The following AATK variants were observed in gnomAD, a reference collection of about 807,000 sequenced individuals.
AATK encodes the protein lemur tail kinase 1.
Under a neutral mutation model 114.3 loss-of-function variants are expected in AATK, and 91 were observed. The observed-to-expected ratio is 0.80, with a 90% CI of 0.67 to 0.95. AATK has a LOEUF of 0.95. Among genes scored for constraint, AATK ranks in the 40% least tolerant of loss-of-function variants. The pLI is 0.00. For synonymous variants in AATK, 1,075 were observed against 916.5 expected (o/e 1.17, Z -3.12); for missense variants, 2,176 against 1,965.2 (o/e 1.11, Z -2.03).
chr17:81,132,090 A>G, intron 2 of AATK: 3 of 1,193,998 alleles, frequency 2.5e-6, no homozygotes, highest in Non-Finnish European at 3.3e-6. Context: ...AGTCCAGGGC[A>G]CATTCCTGCG....
chr17:81,156,396 T>TTTTTG (rs758854727), intron 1 of AATK, among the ~76,000 whole-genome samples: 83 of 152,290 alleles, frequency 5.5e-4, no homozygotes, highest in Admixed American at 1.0e-3. Flanking sequence ...AAATAAATGT[T>TTTTTG]TTTTGTTTTG....
chr17:81,162,335 T>C (rs2061437050), intron 1 of AATK, among the ~76,000 whole-genome samples: 2 of 152,008 alleles, frequency 1.3e-5, no homozygotes, highest in Non-Finnish European at 2.9e-5. Context: ...CAGCTTCCTC[T>C]GGGGCATCCT....
In AATK at chr17:81,123,257, G is replaced by A. The variant is rs541755447; in HGVS notation, c.1049C>T (p.Thr350Met). ...CAGCTTGAGCTGCTGCTCCCGGACC[G>A]TGTACGCCAGCACCTGCTGGTCCGA... is the stretch of plus-strand genomic sequence containing the variant. ...QHSDQQVLAY[T>M]VREQQLKLPK... Residue 350 changes from threonine (T) to methionine (M), a missense_variant, in exon 10 of 14, where the codon ACG (threonine) becomes ATG (methionine). Around this residue, in one of 4 missense-constraint regions of AATK, gnomAD observed 273 missense variants for 344.1 expected, o/e 0.79. Transcript: ENST00000326724. The A allele has an allele frequency of 6.0e-5, 85 of 1,408,682 alleles. 1 individual carries two copies. The highest frequency in any genetic ancestry group is 3.9e-4 in the South Asian group (25 of 63,940). The allele number at this position is 1,408,682 out of a possible 1,614,324, so 87.3% of individuals were successfully genotyped here. A position where few individuals can be genotyped will look rare whatever the true frequency, so the allele number is the denominator to read the frequency against.
In AATK at chr17:81,140,640, G is replaced by A. The variant is rs2061108065; in HGVS notation, c.56-6139C>T. ...TGAGAGAAGTGACTGCAGAATCAGA[G>A]ACCGTGGGGCCGGGGGACCGTGGGG... On this transcript the variant is annotated intron_variant, in intron 1 of 13. Coordinates refer to ENST00000326724, the MANE Select transcript of AATK (RefSeq NM_001080395.3). Among the ~76,000 whole-genome samples, 2 of 138,572 alleles carry A rather than the reference G, an allele frequency of 1.4e-5. 1 individual carries two copies. The highest frequency in any genetic ancestry group is 5.9e-5 in the African/African-American group (2 of 33,732). The allele number at this position is 138,572 out of a possible 152,430, so 90.9% of individuals were successfully genotyped here.
intron 6 of AATK, among the ~76,000 whole-genome samples, chr17:81,127,134 G>T (rs1334823490): frequency 6.7e-6 from 1 of 148,194 alleles, no homozygotes; most frequent in Non-Finnish European, 1.5e-5. Context: ...GGGGGAGGGG[G>T]GGACAGGTCC....
At chr17:81,150,893 C>T (rs932892659) in intron 1 of AATK, among the ~76,000 whole-genome samples, 3 of 152,186 alleles carry the variant, frequency 2.0e-5, no homozygotes, top group Non-Finnish European at 4.4e-5. Context: ...GCAGGCGTGC[C>T]GCTGAGTCAA....
chr17:81,136,659 G>A (rs577584971), intron 1 of AATK, among the ~76,000 whole-genome samples: 10 of 152,236 alleles, frequency 6.6e-5, no homozygotes, highest in Non-Finnish European at 1.0e-4. Context: ...CGGCCATGGG[G>A]GGTCATTCAG....
At position 81,123,347 on chromosome 17, in the gene AATK, TG is replaced by T. The variant is rs1394564058; in HGVS notation, c.963-5del. The T allele has an allele frequency of 1.5e-6, 2 of 1,363,788 alleles. No homozygotes were observed. The highest frequency in any genetic ancestry group is 1.9e-6 in the Non-Finnish European group (2 of 1,058,010). 84.5% of individuals were successfully genotyped at this position (1,363,788 alleles called of 1,614,324 possible). A position where few individuals can be genotyped will look rare whatever the true frequency, so the allele number is the denominator to read the frequency against. On this transcript the variant is annotated splice_polypyrimidine_tract_variant and splice_region_variant and intron_variant, in intron 9 of 13. Transcript: ENST00000326724. ...CCAGATGGTCACGCCCAGGGACCTG[TG>T]GGGCGACAGCCGTGAGCCAGGGCTG...
chr17:81,154,840 G>GA (rs1302180225), intron 1 of AATK, among the ~76,000 whole-genome samples: 16,678 of 139,154 alleles, frequency 0.12, 1,957 homozygotes, highest in African/African-American at 0.27. Context: ...ATGTTGGCCA[G>GA]GCTGGTCTCA....
At chr17:81,149,279 A>C (rs2061264300) in intron 1 of AATK, among the ~76,000 whole-genome samples, 1 of 151,916 alleles carries the variant, frequency 6.6e-6, no homozygotes, top group Non-Finnish European at 1.5e-5. Flanking sequence ...CCCCGTCACC[A>C]GGCCCAGTGG....
chr17:81,120,974 C>T lies in AATK; in HGVS notation c.2962G>A (p.Glu988Lys), dbSNP rs1021424212. ...GCAGAGTCTCGGTAGGGATTCTTCT[C>T]GTTGAGGCCACTGAGGGAGGTGGAG... The part of the protein sequence containing the change: ...RLSTSLSGLN[E>K]KNPYRDSAYF... The change falls in exon 11 of 14, where the codon GAG (glutamate) becomes AAG (lysine). Residue 988 changes from glutamate to lysine, a missense_variant. By Grantham distance (56) the Glu-to-Lys change is moderately conservative. This residue lies in a region of AATK where 1,701 missense variants were observed against 1,394.7 expected (regional missense o/e 1.22). Coordinates refer to ENST00000326724, the MANE Select transcript of AATK (RefSeq NM_001080395.3). 1 of 1,610,072 alleles carries T rather than the reference C, an allele frequency of 6.2e-7. No homozygotes were observed. The highest frequency in any genetic ancestry group is 8.5e-7 in the Non-Finnish European group (1 of 1,178,884).
At chr17:81,124,211 G>A (rs1334807192) in intron 9 of AATK, among the ~76,000 whole-genome samples, 1 of 152,082 alleles carries the variant, frequency 6.6e-6, no homozygotes, top group Admixed American at 6.5e-5. Flanking sequence ...AGGGAGGGGC[G>A]CCCACCCCGG....
chr17:81,147,807 A>G (rs1377433379), intron 1 of AATK, among the ~76,000 whole-genome samples: 1 of 152,190 alleles, frequency 6.6e-6, no homozygotes, highest in African/African-American at 2.4e-5. Context: ...ACGTTATGCT[A>G]AGGAAAAGAA....
At position 81,126,505 on chromosome 17, in the gene AATK, T is replaced by C. The variant is rs556860115; in HGVS notation, c.677A>G (p.Asp226Gly). Residue 226 changes from aspartate to glycine, a missense_variant, in exon 7 of 14, where the codon GAC becomes GGC. This residue lies in a region of AATK where 273 missense variants were observed against 344.1 expected (regional missense o/e 0.79). Transcript: ENST00000326724. The surrounding 1 kb of genome is among the most constrained non-coding windows in gnomAD (Gnocchi z 5.1). ...SCRVAESMAP[D>G]PRTLQRMACE... ...GGCCATGCGCTGCAGGGTCCGGGGG[T>C]CGGGAGCCATGGACTCCGCCACCCG... 6.5e-7 allele frequency: 1 copy of C among 1,550,322 alleles called. No homozygotes were observed. The highest frequency in any genetic ancestry group is 1.2e-5 in the South Asian group (1 of 84,090).
chr17:81,120,488 G>A lies in AATK; in HGVS notation c.3448C>T (p.Leu1150Phe), dbSNP rs2060686253. Residue 1150 changes from leucine (L) to phenylalanine (F), a missense_variant, in exon 11 of 14, where the codon CTC becomes TTC. Physicochemically the swap from Leu to Phe is conservative, Grantham distance 22. Coordinates refer to ENST00000326724, the MANE Select transcript of AATK (RefSeq NM_001080395.3). ...RAPLRLALPG[L>F]PAALEGRPEE... is the part of the protein sequence containing the mutation. ...GGCCGGCCCTCCAAGGCCGCAGGGA[G>A]GCCGGGCAGAGCCAGGCGGAGTGGG... 6.6e-7 allele frequency: 1 copy of A among 1,512,978 alleles called. No individual in the cohort carries two copies. Among genetic ancestry groups the A allele is most frequent in the African/African-American group, 1.4e-5 (1 of 72,020 alleles). The allele number at this position is 1,512,978 out of a possible 1,614,324, so 93.7% of individuals were successfully genotyped here.
At chr17:81,125,994 C>T (rs533721511) in intron 7 of AATK, 18 of 475,528 alleles carry the variant, frequency 3.8e-5, no homozygotes, top group African/African-American at 9.9e-5. Flanking sequence ...ACGTGTCCTT[C>T]GCCACTTCTT....
chr17:81,158,695 G>C (rs1345417554), intron 1 of AATK, among the ~76,000 whole-genome samples: 1 of 152,240 alleles, frequency 6.6e-6, no homozygotes, highest in Non-Finnish European at 1.5e-5. Flanking sequence ...GGGCTCAGAA[G>C]AGCTGGGCAG....
Position 81,131,199 on chromosome 17 carries a change from C to T in AATK, c.196G>A (p.Glu66Lys), listed in dbSNP as rs2060925012. 1.9e-6 allele frequency: 3 copies of T among 1,576,862 alleles called. No homozygotes were observed. The highest frequency in any genetic ancestry group is 2.6e-6 in the Non-Finnish European group (3 of 1,164,692). The change falls in exon 3 of 14, where the codon GAG (glutamate) becomes AAG (lysine). Residue 66 changes from glutamate (E) to lysine (K), a missense_variant. Glu to Lys is a moderately conservative substitution (Grantham distance 56). Transcript: ENST00000326724. ...KKGGIGFKEF[E>K]NAEGDEYAAD... Reference sequence around the variant, plus strand: ...GCGTACTCGTCCCCCTCCGCATTCTCAAACTCCTGCGGGCCGGGCCGGGCA... The same window carrying T: ...GCGTACTCGTCCCCCTCCGCATTCTTAAACTCCTGCGGGCCGGGCCGGGCA...
intron 13 of AATK, 115 bp downstream of exon 13, chr17:81,119,265 G>A: frequency 8.8e-7 from 1 of 1,142,056 alleles, no homozygotes; most frequent in South Asian, 1.7e-5. Context: ...AAGGAGCGGA[G>A]CGGAGCGGAG....
Sources: allele counts gnomAD v4.1 joint callset (sites outside exome capture counted in the v4.1 genomes callset), GRCh38; gene constraint gnomAD v4.1.1; regional missense constraint gnomAD v4.1.1; non-coding constraint Gnocchi (gnomAD v3.1); transcripts MANE v1.5; gene names NCBI Gene and HGNC (gene_info 2026-07-23, HGNC 2026-07-21).